Variants in ANKRD55 observed in about 807,000 individuals in gnomAD.
ANKRD55 encodes ankyrin repeat domain-containing protein 55.
Under a neutral mutation model 60.6 loss-of-function variants are expected in ANKRD55, and 41 were observed. The ratio of observed to expected loss-of-function variants is 0.68; its 90% CI spans 0.53 to 0.88. The LOEUF (loss-of-function observed/expected upper bound fraction) is 0.88, where lower values mean the gene tolerates loss of function less well. Among genes scored for constraint, ANKRD55 ranks in the 40% least tolerant of loss-of-function variants. The pLI, the probability that ANKRD55 is intolerant of heterozygous loss-of-function variation, is 0.00. For missense variants in ANKRD55, 732 were observed against 767.6 expected (o/e 0.95, Z 0.55); for synonymous variants, 264 against 290.3 (o/e 0.91, Z 0.92).
At chr5:56,122,499 C>A (rs1232681984) in intron 8 of ANKRD55, among the ~76,000 whole-genome samples, 2 of 150,260 alleles carry the variant, frequency 1.3e-5, no homozygotes, top group Non-Finnish European at 1.5e-5. Context: ...AAAAAAAAAA[C>A]AAACCCAAAA....
chr5:56,117,963 C>T (rs1255918804), intron 8 of ANKRD55, among the ~76,000 whole-genome samples: 2 of 151,856 alleles, frequency 1.3e-5, no homozygotes, highest in South Asian at 2.1e-4. Flanking sequence ...GCCAACAAGG[C>T]AAAACACTGT....
chr5:56,156,766 T>C (rs1758203893), intron 6 of ANKRD55, among the ~76,000 whole-genome samples: 1 of 152,184 alleles, frequency 6.6e-6, no homozygotes, highest in Non-Finnish European at 1.5e-5. Context: ...TTCTCATCTT[T>C]AAAGCAGAAG....
intron 5 of ANKRD55, among the ~76,000 whole-genome samples, chr5:56,170,366 C>A (rs1458047609): frequency 7.2e-5 from 11 of 152,108 alleles, no homozygotes; most frequent in Admixed American, 7.2e-4. Context: ...TAGAACAGTC[C>A]TTGGTCCATA....
At position 56,199,101 on chromosome 5, in the gene ANKRD55, A is replaced by AAACAAACAAACAAACC. The variant is rs546782271; in HGVS notation, c.59-15468_59-15467insGGTTTGTTTGTTTGTT. 3.1e-3 allele frequency among the ~76,000 whole-genome samples: 468 copies of AAACAAACAAACAAACC among 151,998 alleles called. 5 individuals are homozygous for AAACAAACAAACAAACC. Among genetic ancestry groups the AAACAAACAAACAAACC allele is most frequent in the African/African-American group, 0.01 (425 of 41,428 alleles). Reference sequence around the variant, plus strand: ...TCTCAAAACAAACAAACAAACAAACAAACCCAAAAAAACCCAAACACGTGT... The same window carrying AAACAAACAAACAAACC: ...TCTCAAAACAAACAAACAAACAAACAAACAAACAAACAAACCAACCCAAAAAAACCCAAACACGTGT... On this transcript the variant is annotated intron_variant, in intron 2 of 11. Transcript: ENST00000341048.
At chr5:56,186,089 A>T (rs1159945359) in intron 2 of ANKRD55, among the ~76,000 whole-genome samples, 1 of 152,204 alleles carries the variant, frequency 6.6e-6, no homozygotes, top group Non-Finnish European at 1.5e-5. Flanking sequence ...GAGGCAGACA[A>T]CCTCAGTATC....
intron 2 of ANKRD55, among the ~76,000 whole-genome samples, chr5:56,217,820 C>A (rs1163655589): frequency 4.6e-5 from 7 of 151,554 alleles, no homozygotes; most frequent in African/African-American, 1.7e-4. Context: ...GGCATGAACC[C>A]AGGCGGCAGA....
At chr5:56,203,250 G>A (rs922711172) in intron 2 of ANKRD55, among the ~76,000 whole-genome samples, 34 of 152,136 alleles carry the variant, frequency 2.2e-4, no homozygotes, top group African/African-American at 7.5e-4. Context: ...GAGGGACCTC[G>A]TGGGAGGTGA....
Position 56,116,712 on chromosome 5 carries a change from C to G in ANKRD55, c.868G>C (p.Asp290His). 6.2e-7 allele frequency: 1 copy of G among 1,614,034 alleles called. No homozygotes were observed. The highest frequency in any genetic ancestry group is 2.2e-5 in the East Asian group (1 of 44,846). ...TCATTGATGTCCCGCAGGTTGCTGT[C>G]CATTCCCAACTCCAGCAGTGACTGG... ...CVQSLLELGM[D>H]SNLRDINEST... Residue 290 changes from aspartate (D) to histidine (H), a missense_variant, in exon 9 of 12, where the codon GAC becomes CAC. By Grantham distance (81) the Asp-to-His change is moderately conservative. This residue lies in a region of ANKRD55 where 597 missense variants were observed against 607.5 expected (regional missense o/e 0.98). Coordinates refer to ENST00000341048, the MANE Select transcript of ANKRD55 (RefSeq NM_024669.3).
At chr5:56,147,461 T>G (rs1757927132) in intron 6 of ANKRD55, among the ~76,000 whole-genome samples, 1 of 152,178 alleles carries the variant, frequency 6.6e-6, no homozygotes, top group Non-Finnish European at 1.5e-5. Flanking sequence ...TTTGTTTCAT[T>G]TGGCATTGCC....
chr5:56,111,100 TG>T lies in ANKRD55; in HGVS notation c.1630+17del, dbSNP rs1756677583. 6.2e-7 allele frequency: 1 copy of T among 1,603,428 alleles called. No individual in the cohort carries two copies. Among genetic ancestry groups the T allele is most frequent in the African/African-American group, 1.3e-5 (1 of 74,820 alleles). ...GTATAGAGCCTGCTGAGAATGAACA[TG>T]AAATCAAGGACATTACCTGATGATG... On this transcript the variant is annotated intron_variant, in intron 10 of 11. Transcript: ENST00000341048.
chr5:56,132,589 TA>T (rs1183428923), intron 7 of ANKRD55, among the ~76,000 whole-genome samples: 1,513 of 84,742 alleles, frequency 0.018, 14 homozygotes, highest in Non-Finnish European at 0.025. Context: ...AGACTCTATC[TA>T]AAAAAAAAAA....
intron 10 of ANKRD55, among the ~76,000 whole-genome samples, chr5:56,109,410 T>C (rs529468027): frequency 5.3e-5 from 8 of 152,148 alleles, no homozygotes; most frequent in Non-Finnish European, 7.3e-5. Context: ...TATATAAAAT[T>C]TCATAATTTA....
At chr5:56,129,459 T>C (rs1757353782) in intron 7 of ANKRD55, among the ~76,000 whole-genome samples, 1 of 152,192 alleles carries the variant, frequency 6.6e-6, no homozygotes, top group Non-Finnish European at 1.5e-5. Context: ...TGAAAATGAT[T>C]GGGAACTGAG....
intron 10 of ANKRD55, among the ~76,000 whole-genome samples, chr5:56,109,114 T>C (rs1048292746): frequency 1.5e-4 from 23 of 151,626 alleles, no homozygotes; most frequent in African/African-American, 5.6e-4. Context: ...ATTGCTGTCT[T>C]GGTCTTTCAT....
intron 6 of ANKRD55, among the ~76,000 whole-genome samples, chr5:56,156,171 A>T (rs1258348571): frequency 6.6e-6 from 1 of 152,158 alleles, no homozygotes; most frequent in Non-Finnish European, 1.5e-5. Flanking sequence ...TTTCAGATGG[A>T]TTCCAGACAG....
chr5:56,145,052 T>C (rs2111762888), intron 6 of ANKRD55, among the ~76,000 whole-genome samples: 1 of 152,354 alleles, frequency 6.6e-6, no homozygotes, highest in East Asian at 1.9e-4. Context: ...CAGGGTGAGC[T>C]GCATGGAGAA....
intron 6 of ANKRD55, chr5:56,146,890 A>G (rs1315368948): frequency 6.6e-6 from 1 of 152,254 alleles, no homozygotes; most frequent in Non-Finnish European, 1.5e-5. Flanking sequence ...GAGTATATGC[A>G]GAAGTATGAT....
chr5:56,135,356 T>TTCTTTCTTTCCTTCTTTCTTTCTTTC (rs1757561862), intron 7 of ANKRD55, among the ~76,000 whole-genome samples: 1 of 53,700 alleles, frequency 1.9e-5, no homozygotes, highest in African/African-American at 8.3e-5. Context: ...TCTTTCTTTC[T>TTCTTTCTTTCCTTCTTTCTTTCTTTC]TTCTTTCTTT....
rs1757682708 is a variant in ANKRD55, at chr5:56,139,018, T to C, written c.612+4783A>G. 6.0e-5 allele frequency among the ~76,000 whole-genome samples: 9 copies of C among 150,470 alleles called. No individual in the cohort carries two copies. The South Asian group carries it at 1.1e-3, about 18-fold the overall frequency. ...ATGACCTGTCAGTGTAGGCTATCAA[T>C]TGTAACAAATGTACCACTGTAGTGG... On this transcript the variant is annotated intron_variant, in intron 7 of 11. Coordinates refer to ENST00000341048, the MANE Select transcript of ANKRD55 (RefSeq NM_024669.3).
Sources: gnomAD v4.1 joint callset for allele counts (sites outside exome capture counted in the v4.1 genomes callset) on GRCh38, gnomAD v4.1.1 for gene constraint, gnomAD v4.1.1 regional missense constraint, MANE v1.5 for transcripts, NCBI Gene and HGNC (gene_info 2026-07-23, HGNC 2026-07-21) for gene names.